PGGT1B: variants seen among roughly 807,000 people sequenced by gnomAD.
PGGT1B encodes the protein geranylgeranyl transferase type-1 subunit beta.
In PGGT1B, 30 loss-of-function variants were observed where a neutral mutation model predicts 46.1. That is an observed-to-expected ratio of 0.65 (90% confidence interval 0.49 to 0.88). The LOEUF (loss-of-function observed/expected upper bound fraction) is 0.88. Among genes scored for constraint, PGGT1B ranks in the 40% least tolerant of loss-of-function variants. PGGT1B has a pLI of 0.00. For synonymous variants in PGGT1B, 170 were observed against 160.0 expected (o/e 1.06, Z -0.47); for missense variants, 376 against 455.9 (o/e 0.82, Z 1.60).
intron 5 of PGGT1B, among the ~76,000 whole-genome samples, chr5:115,232,418 C>A (rs1486094091): frequency 6.6e-6 from 1 of 151,950 alleles, no homozygotes; most frequent in East Asian, 1.9e-4. Context: ...AGATTGTGGT[C>A]ATTTGCCAAG....
chr5:115,233,321 T>C (rs1174984431), intron 5 of PGGT1B, among the ~76,000 whole-genome samples: 2 of 150,450 alleles, frequency 1.3e-5, no homozygotes, highest in Admixed American at 1.3e-4. Flanking sequence ...AGAAAAGAAA[T>C]AGAAGAAAAA....
intron 2 of PGGT1B, among the ~76,000 whole-genome samples, chr5:115,246,137 A>G (rs1379340987): frequency 6.6e-6 from 1 of 152,140 alleles, no homozygotes; most frequent in Admixed American, 6.5e-5. Flanking sequence ...GGATCACCTG[A>G]GGTCAGGAGT....
At chr5:115,260,809 A>G (rs1053111752) in intron 1 of PGGT1B, among the ~76,000 whole-genome samples, 5 of 152,346 alleles carry the variant, frequency 3.3e-5, no homozygotes, top group Non-Finnish European at 5.9e-5. Flanking sequence ...CTAAAGTTAA[A>G]TAAGTCAGAA....
chr5:115,226,541 A>AAT (rs1029002181), intron 6 of PGGT1B, among the ~76,000 whole-genome samples: 27 of 145,014 alleles, frequency 1.9e-4, no homozygotes, highest in South Asian at 2.1e-4. Flanking sequence ...GTTGAATTAA[A>AAT]ATATATATAT....
At position 115,236,539 on chromosome 5, in the gene PGGT1B, C is replaced by A; in HGVS notation, c.480-17G>T. 6.7e-7 allele frequency: 1 copy of A among 1,502,480 alleles called. No homozygotes were observed. The highest frequency in any genetic ancestry group is 8.9e-7 in the Non-Finnish European group (1 of 1,129,598). 93.1% of individuals were successfully genotyped at this position (1,502,480 alleles called of 1,614,324 possible). On this transcript the variant is annotated splice_polypyrimidine_tract_variant and intron_variant, in intron 4 of 8. Transcript: ENST00000419445. ...GCACAAAAACTGAAAATAATAACAA[C>A]AATATGATTTTCTATTAACACTGGA...
intron 2 of PGGT1B, chr5:115,252,932 A>G (rs1748166559): frequency 2.0e-6 from 1 of 507,056 alleles, no homozygotes; most frequent in African/African-American, 2.0e-5. Flanking sequence ...ATTAAATTCC[A>G]GATAACTCTA....
At chr5:115,260,472 A>T (rs1748508987) in intron 1 of PGGT1B, among the ~76,000 whole-genome samples, 1 of 152,184 alleles carries the variant, frequency 6.6e-6, no homozygotes, top group African/African-American at 2.4e-5. Flanking sequence ...CTTAAAGATC[A>T]GCAGAAACTT....
At chr5:115,248,452 G>C (rs538364460) in intron 2 of PGGT1B, among the ~76,000 whole-genome samples, 2 of 152,220 alleles carry the variant, frequency 1.3e-5, no homozygotes, top group East Asian at 3.9e-4. Context: ...TCTGTTCTAA[G>C]TCTAAAATTC....
At chr5:115,217,278 TAAAAAG>T (rs1328503825) in intron 7 of PGGT1B, among the ~76,000 whole-genome samples, 32 of 152,040 alleles carry the variant, frequency 2.1e-4, no homozygotes, top group South Asian at 4.1e-4. Flanking sequence ...TCAGTCATTT[TAAAAAG>T]TACAATTTTA....
At position 115,233,606 on chromosome 5, in the gene PGGT1B, A is replaced by G. The variant is rs557185644; in HGVS notation, c.613-2585T>C. ...GAACTAGGGGTCAGCAATGGCCCAA[A>G]GGCTAACTCTGGCCTGCAGTCTGGA... is the stretch of plus-strand genomic sequence containing the variant. On this transcript the variant is annotated intron_variant, in intron 5 of 8. Coordinates refer to ENST00000419445, the MANE Select transcript of PGGT1B (RefSeq NM_005023.4). Among the ~76,000 whole-genome samples, 4 of 152,002 alleles carry G rather than the reference A, an allele frequency of 2.6e-5. No individual in the cohort carries two copies. In the East Asian group the frequency reaches 7.7e-4, roughly 29 times the overall value.
At chr5:115,253,936 C>T (rs1483360603) in intron 1 of PGGT1B, among the ~76,000 whole-genome samples, 1 of 151,950 alleles carries the variant, frequency 6.6e-6, no homozygotes, top group Non-Finnish European at 1.5e-5. Flanking sequence ...TGGCTTTGAA[C>T]ACAAAGAATT....
chr5:115,255,230 G>A (rs534541801), intron 1 of PGGT1B, among the ~76,000 whole-genome samples: 1 of 152,204 alleles, frequency 6.6e-6, no homozygotes, highest in South Asian at 2.1e-4. Context: ...AACACTACAG[G>A]CCTTTTCTAT....
At chr5:115,218,202 G>A (rs969914070) in intron 7 of PGGT1B, among the ~76,000 whole-genome samples, 2 of 151,634 alleles carry the variant, frequency 1.3e-5, no homozygotes, top group African/African-American at 4.8e-5. Context: ...AATGTCTAAA[G>A]GTGATAAGAA....
chr5:115,245,341 A>G (rs972165642), intron 2 of PGGT1B, among the ~76,000 whole-genome samples: 2 of 152,234 alleles, frequency 1.3e-5, no homozygotes, highest in African/African-American at 4.8e-5. Context: ...TGATTAAATA[A>G]ATAACTTTTC....
At chr5:115,237,759 A>T (rs1408996108) in intron 4 of PGGT1B, 99 bp downstream of exon 4, 2 of 972,756 alleles carry the variant, frequency 2.1e-6, no homozygotes, top group African/African-American at 3.3e-5. Flanking sequence ...GTTCTAATAG[A>T]GTATGATCCT....
At chr5:115,227,982 G>T (rs1450559394) in intron 6 of PGGT1B, among the ~76,000 whole-genome samples, 2 of 152,130 alleles carry the variant, frequency 1.3e-5, no homozygotes, top group African/African-American at 2.4e-5. Flanking sequence ...AACAAAAACT[G>T]AAAAGGAGAT....
intron 4 of PGGT1B, among the ~76,000 whole-genome samples, chr5:115,236,849 G>C (rs1580763424): frequency 1.3e-5 from 2 of 152,146 alleles, no homozygotes; most frequent in African/African-American, 2.4e-5. Context: ...ATACTGGCTT[G>C]AGAATGGCAG....
intron 3 of PGGT1B, 76 bp from the exon 4 acceptor site, chr5:115,238,085 GT>G: frequency 9.4e-7 from 1 of 1,067,020 alleles, no homozygotes; most frequent in Non-Finnish European, 1.4e-6. Context: ...CTGACATAAG[GT>G]TTTAGTAAAT....
intron 1 of PGGT1B, among the ~76,000 whole-genome samples, chr5:115,258,202 T>C (rs1223502281): frequency 1.3e-5 from 2 of 152,226 alleles, no homozygotes; most frequent in Admixed American, 6.5e-5. Flanking sequence ...TTAAGTGCTA[T>C]TACATGAATC....
Sources: gnomAD v4.1 joint callset for allele counts (sites outside exome capture counted in the v4.1 genomes callset) on GRCh38, gnomAD v4.1.1 for gene constraint, MANE v1.5 for transcripts, NCBI Gene and HGNC (gene_info 2026-07-23, HGNC 2026-07-21) for gene names.